The following SIPA1L3 variants were observed in gnomAD, a reference collection of about 807,000 sequenced individuals.
SIPA1L3 encodes the protein signal-induced proliferation-associated 1-like protein 3.
Under a neutral mutation model 150.1 loss-of-function variants are expected in SIPA1L3, and 59 were observed. That is an observed-to-expected ratio of 0.39 (90% CI 0.32 to 0.49). SIPA1L3 has a LOEUF of 0.49. Ranked by LOEUF, SIPA1L3 falls within the 20% of genes least tolerant of loss-of-function variation. The pLI is 0.86. For missense variants in SIPA1L3, 2,211 were observed against 2,489.5 expected, an observed-to-expected ratio of 0.89 and a Z score of 2.38; for synonymous variants, 1,070 against 1,077.6, an observed-to-expected ratio of 0.99 and a Z score of 0.14.
intron 1 of SIPA1L3, among the ~76,000 whole-genome samples, chr19:37,963,249 G>A (rs1389189089): frequency 6.6e-6 from 1 of 152,148 alleles, no homozygotes; most frequent in Non-Finnish European, 1.5e-5. Flanking sequence ...CTCATGTTGG[G>A]CCAGGGATGT....
At chr19:37,908,728 G>A (rs1300042173) in intron 1 of SIPA1L3, among the ~76,000 whole-genome samples, 1 of 151,856 alleles carries the variant, frequency 6.6e-6, no homozygotes, top group African/African-American at 2.4e-5. Context: ...ACTTACCAAA[G>A]ATTAAATTAT....
At chr19:38,114,424 C>CAAA (rs5828003) in intron 8 of SIPA1L3, among the ~76,000 whole-genome samples, 3 of 100,280 alleles carry the variant, frequency 3.0e-5, no homozygotes, top group Admixed American at 1.0e-4. Flanking sequence ...ACTCTTGTCT[C>CAAA]AAAAAAAAAA....
chr19:38,083,728 C>G (rs1299112969), intron 3 of SIPA1L3, among the ~76,000 whole-genome samples: 2 of 152,098 alleles, frequency 1.3e-5, no homozygotes, highest in Admixed American at 6.5e-5. Context: ...CAGTGGCTCA[C>G]GCCTGTAATC....
At chr19:38,139,985 C>T (rs532979161) in intron 10 of SIPA1L3, among the ~76,000 whole-genome samples, 1 of 152,370 alleles carries the variant, frequency 6.6e-6, no homozygotes, top group South Asian at 2.1e-4. Flanking sequence ...TAGTCCCCAC[C>T]TCCCAACAGT....
chr19:37,938,320 TCAGG>T (rs2145516365), intron 1 of SIPA1L3, among the ~76,000 whole-genome samples: 1 of 152,360 alleles, frequency 6.6e-6, no homozygotes, highest in East Asian at 1.9e-4. Context: ...AGCATTTCTT[TCAGG>T]TATGTACTGG....
At chr19:38,166,406 G>A (rs1972212093) in intron 15 of SIPA1L3, among the ~76,000 whole-genome samples, 2 of 150,846 alleles carry the variant, frequency 1.3e-5, no homozygotes, top group African/African-American at 4.9e-5. Context: ...GCAGTGAGCC[G>A]AGATCGTGCC....
rs771524441 is a variant in SIPA1L3 at position 38,046,233 on chromosome 19, C to T, written c.-311+17077C>T. 8.5e-5 allele frequency among the ~76,000 whole-genome samples: 13 copies of T among 152,114 alleles called. No homozygotes were observed. Among genetic ancestry groups the T allele is most frequent in the Non-Finnish European group, 1.8e-4 (12 of 68,014 alleles). ...GTCCATCCCAGGCTGCTGGGAGGCC[C>T]GAGAAACAGGTCACAGCAGCCCCGC... On this transcript the variant is annotated intron_variant, in intron 2 of 21. Coordinates refer to ENST00000222345, the MANE Select transcript of SIPA1L3 (RefSeq NM_015073.3). The surrounding 1 kb of genome is among the most constrained non-coding windows in gnomAD (Gnocchi z 5.6).
chr19:38,022,304 A>G (rs1347857006), intron 1 of SIPA1L3, among the ~76,000 whole-genome samples: 2 of 152,358 alleles, frequency 1.3e-5, no homozygotes, highest in South Asian at 2.1e-4. Flanking sequence ...GGCATGCACC[A>G]GTAGTCCCAG....
At chr19:37,970,447 C>G (rs963797781) in intron 1 of SIPA1L3, among the ~76,000 whole-genome samples, 1 of 152,212 alleles carries the variant, frequency 6.6e-6, no homozygotes, top group African/African-American at 2.4e-5. Context: ...TGGACTACCT[C>G]TAAGGAGCTC....
At chr19:38,196,688 CAA>C (rs1308410300) in intron 18 of SIPA1L3, among the ~76,000 whole-genome samples, 4 of 150,096 alleles carry the variant, frequency 2.7e-5, no homozygotes, top group Non-Finnish European at 5.9e-5. Context: ...GCGTGGAGGT[CAA>C]GAGTGGAGCA....
intron 16 of SIPA1L3, 58 bp from the exon 17 acceptor site, chr19:38,192,087 T>C: frequency 4.0e-6 from 6 of 1,508,264 alleles, no homozygotes; most frequent in Non-Finnish European, 5.3e-6. Context: ...TCCAAACAGC[T>C]TTGAAAAGTG....
intron 1 of SIPA1L3, among the ~76,000 whole-genome samples, chr19:38,023,334 G>C (rs376493801): frequency 6.6e-6 from 1 of 152,152 alleles, no homozygotes; most frequent in Non-Finnish European, 1.5e-5. Context: ...TTTGTAGACC[G>C]CATCAATCCG....
intron 1 of SIPA1L3, among the ~76,000 whole-genome samples, chr19:37,912,571 CTG>C (rs1487198263): frequency 2.6e-5 from 4 of 152,152 alleles, no homozygotes; most frequent in Non-Finnish European, 4.4e-5. Context: ...TCATAGCTCA[CTG>C]TAACCTTGAA....
At chr19:37,972,985 A>G (rs911821229) in intron 1 of SIPA1L3, among the ~76,000 whole-genome samples, 6 of 152,118 alleles carry the variant, frequency 3.9e-5, no homozygotes, top group African/African-American at 1.4e-4. Flanking sequence ...GGCGACAGCT[A>G]GCTGCAAGGG....
intron 1 of SIPA1L3, among the ~76,000 whole-genome samples, chr19:37,919,084 G>A (rs992339837): frequency 6.6e-6 from 1 of 152,070 alleles, no homozygotes; most frequent in Non-Finnish European, 1.5e-5. Flanking sequence ...TGGATGGGGT[G>A]TGGGGAAGGG....
intron 8 of SIPA1L3, among the ~76,000 whole-genome samples, chr19:38,110,719 C>T (rs974331934): frequency 4.6e-5 from 7 of 152,142 alleles, no homozygotes; most frequent in African/African-American, 1.4e-4. Flanking sequence ...GATCTGCCAC[C>T]GCCCTCCTGG....
At chr19:38,063,795 G>C (rs988864643) in intron 2 of SIPA1L3, among the ~76,000 whole-genome samples, 2 of 152,184 alleles carry the variant, frequency 1.3e-5, no homozygotes, top group African/African-American at 4.8e-5. Flanking sequence ...CACTCAGCCC[G>C]TTTAGGGCAG....
At chr19:38,146,124 A>G (rs370585103) in intron 12 of SIPA1L3, among the ~76,000 whole-genome samples, 6 of 152,312 alleles carry the variant, frequency 3.9e-5, no homozygotes, top group African/African-American at 1.2e-4. Flanking sequence ...TGGACATCCC[A>G]AAGTGCTAGG....
intron 15 of SIPA1L3, among the ~76,000 whole-genome samples, chr19:38,175,356 G>A (rs1460188156): frequency 6.6e-6 from 1 of 152,002 alleles, no homozygotes; most frequent in Non-Finnish European, 1.5e-5. Flanking sequence ...ACCACCCATT[G>A]GTCCCCTTCA....
Sources: gnomAD v4.1 joint callset for allele counts (sites outside exome capture counted in the v4.1 genomes callset) on GRCh38, gnomAD v4.1.1 for gene constraint, Gnocchi (gnomAD v3.1) non-coding constraint, MANE v1.5 for transcripts, NCBI Gene and HGNC (gene_info 2026-07-23, HGNC 2026-07-21) for gene names.